Variants in AP3D1 observed in about 807,000 individuals in gnomAD.
AP3D1 encodes AP-3 complex subunit delta-1.
In AP3D1, 51 loss-of-function variants were observed where a neutral mutation model predicts 147.6. The ratio of observed to expected loss-of-function variants is 0.35; its 90% confidence interval spans 0.28 to 0.44. The LOEUF (loss-of-function observed/expected upper bound fraction) is 0.44, where lower values mean the gene tolerates loss of function less well. Ranked by LOEUF, AP3D1 falls within the 20% of genes least tolerant of loss-of-function variation. The pLI is 1.00. For synonymous variants in AP3D1, 760 were observed against 663.0 expected (o/e 1.15, Z -2.25); for missense variants, 1,421 against 1,624.2 (o/e 0.87, Z 2.15).
At chr19:2,103,780 C>T (rs182339827) in intron 31 of AP3D1, among the ~76,000 whole-genome samples, 15 of 152,306 alleles carry the variant, frequency 9.8e-5, no homozygotes, top group African/African-American at 2.2e-4. Flanking sequence ...CCACGGAAAA[C>T]GACCAGGAGA....
chr19:2,155,378 AAAC>A (rs2019636758), upstream of AP3D1, among the ~76,000 whole-genome samples: 1 of 150,088 alleles, frequency 6.7e-6, no homozygotes, highest in Admixed American at 6.7e-5. Context: ...AAACCAAAAA[AAAC>A]AAAAAATTAG....
intron 1 of AP3D1, among the ~76,000 whole-genome samples, chr19:2,147,051 C>T (rs1376566636): frequency 2.8e-5 from 4 of 143,484 alleles, no homozygotes; most frequent in Non-Finnish European, 6.3e-5. Context: ...GGAGAGAAAA[C>T]CCGCTCAGTT....
upstream of AP3D1, among the ~76,000 whole-genome samples, chr19:2,152,947 A>G (rs2019587413): frequency 6.6e-6 from 1 of 151,792 alleles, no homozygotes; most frequent in African/African-American, 2.4e-5. Context: ...AATGACTTAT[A>G]TCCTGGTGGG....
At chr19:2,148,158 A>AG (rs1386095480) in intron 1 of AP3D1, among the ~76,000 whole-genome samples, 10 of 151,908 alleles carry the variant, frequency 6.6e-5, no homozygotes, top group African/African-American at 2.4e-4. Context: ...AAAAAAAAAA[A>AG]AAAAAGAAAA....
chr19:2,149,780 C>T (rs570875404), intron 1 of AP3D1, among the ~76,000 whole-genome samples: 101 of 152,318 alleles, frequency 6.6e-4, no homozygotes, highest in African/African-American at 2.1e-3. Flanking sequence ...CAGTGACATG[C>T]GCTGAAGGGA....
chr19:2,130,603 A>G, intron 5 of AP3D1, 66 bp from the exon 6 acceptor site: 3 of 1,596,704 alleles, frequency 1.9e-6, no homozygotes, highest in South Asian at 1.1e-5. Context: ...CGCCCCTCCC[A>G]GCCGCCTCCT....
chr19:2,154,731 G>A (rs2019631554), upstream of AP3D1, among the ~76,000 whole-genome samples: 1 of 152,240 alleles, frequency 6.6e-6, no homozygotes, highest in Non-Finnish European at 1.5e-5. Context: ...ATACCCTGGA[G>A]GAAGAAAAGC....
At chr19:2,158,501 T>C (rs2019667622) in intron 1 of AP3D1, among the ~76,000 whole-genome samples, 1 of 151,410 alleles carries the variant, frequency 6.6e-6, no homozygotes, top group Non-Finnish European at 1.5e-5. Flanking sequence ...AGATAATGGG[T>C]CTCACTATAT....
chr19:2,157,265 ACC>A, intron 1 of AP3D1, among the ~76,000 whole-genome samples: 2 of 151,080 alleles, frequency 1.3e-5, no homozygotes, highest in East Asian at 3.9e-4. Flanking sequence ...AAACGGTGAA[ACC>A]CCGTCTCTAC....
Position 2,111,266 on chromosome 19 carries a change from G to A in AP3D1, c.2985+19C>T. The A allele has an allele frequency of 6.2e-7, 1 of 1,613,830 alleles. No homozygotes were observed. The highest frequency in any genetic ancestry group is 8.5e-7 in the Non-Finnish European group (1 of 1,179,996). ...GTGTGGGCTGGCCCACCCTGCCCCTGGGAGCGGCTGCCACTCACCATTTTA... is the reference window on the plus strand; with the variant it reads ...GTGTGGGCTGGCCCACCCTGCCCCTAGGAGCGGCTGCCACTCACCATTTTA... On this transcript the variant is annotated intron_variant, in intron 26 of 31. Transcript: ENST00000643116.
In AP3D1 at chr19:2,115,328, T is replaced by TTCCTCTTTTTCC; in HGVS notation, c.2228_2239dup (p.Arg743_Arg746dup). On this transcript the variant is annotated inframe_insertion, in exon 20 of 32. Coordinates refer to ENST00000643116, the MANE Select transcript of AP3D1 (RefSeq NM_001261826.3). ...GCGCTTGCCCTTCTTCTCCTTCTCC[T>TTCCTCTTTTTCC]TCCTCTTTTTCCTCCTCTTGTCCTT... 6.2e-7 allele frequency: 1 copy of TTCCTCTTTTTCC among 1,610,736 alleles called. No homozygotes were observed. The highest frequency in any genetic ancestry group is 8.5e-7 in the Non-Finnish European group (1 of 1,179,888).
rs529016370 is a variant in AP3D1 at position 2,114,697 on chromosome 19, G to A, written c.2423+51C>T. ...CCCGGAAGGGAGGACGAGAGGAAGG[G>A]AAGCAACCACATGTGGCCTCCACCC... On this transcript the variant is annotated intron_variant, in intron 21 of 31. Coordinates refer to ENST00000643116, the MANE Select transcript of AP3D1 (RefSeq NM_001261826.3). The A allele has an allele frequency of 5.8e-6, 9 of 1,563,844 alleles. No individual in the cohort carries two copies. The African/African-American group carries it at 9.5e-5, about 16-fold the overall frequency.
chr19:2,105,169 A>G (rs1032386918), intron 31 of AP3D1, among the ~76,000 whole-genome samples: 2 of 152,222 alleles, frequency 1.3e-5, no homozygotes, highest in Non-Finnish European at 2.9e-5. Flanking sequence ...AACAGCCATG[A>G]ACCCATCTGA....
At chr19:2,151,214 C>A (rs1253545914) in intron 1 of AP3D1, 25 bp downstream of exon 1, 1 of 1,601,046 alleles carries the variant, frequency 6.2e-7, no homozygotes, top group African/African-American at 1.3e-5. Context: ...CCAGGCCGAG[C>A]AGCCCCTTGG....
intron 1 of AP3D1, among the ~76,000 whole-genome samples, chr19:2,157,556 T>G (rs563514330): frequency 7.3e-6 from 1 of 137,000 alleles, no homozygotes; most frequent in Non-Finnish European, 1.6e-5. Flanking sequence ...CATCCATCCA[T>G]CTACCCATCT....
chr19:2,164,509 G>C, upstream of AP3D1: 1 of 309,282 alleles, frequency 3.2e-6, no homozygotes, highest in Non-Finnish European at 5.9e-6. Context: ...GCCCTACCGC[G>C]GTGCCGTTGC....
At chr19:2,116,366 G>A (rs2018449081) in intron 17 of AP3D1, 88 bp from the exon 18 acceptor site, 17 of 1,424,032 alleles carry the variant, frequency 1.2e-5, no homozygotes, top group African/African-American at 1.4e-5. Context: ...AGCTGGGGAA[G>A]GCTGGATCTC....
Position 2,110,218 on chromosome 19 carries a change from G to C in AP3D1, c.3182C>G (p.Ser1061Cys). The stretch of plus-strand genomic sequence containing the variant: ...GGTGAACACATACTGGGCTTCGTTG[G>C]AGACGCCTGGCGGGGGCGAGAGGGA... ...PVPFQLPPGV[S>C]NEAQYVFTIQ... Residue 1061 changes from serine (S) to cysteine (C), a missense_variant, in exon 28 of 32, where the codon TCC becomes TGC. By Grantham distance (112) the Ser-to-Cys change is moderately radical. Coordinates refer to ENST00000643116, the MANE Select transcript of AP3D1 (RefSeq NM_001261826.3). The C allele has an allele frequency of 6.2e-7, 1 of 1,611,824 alleles. No homozygotes were observed. Among genetic ancestry groups the C allele is most frequent in the South Asian group, 1.1e-5 (1 of 90,992 alleles).
rs990158736 is a variant in AP3D1, at chr19:2,121,208, T to G, written c.1205A>C (p.Asp402Ala). 1.2e-6 allele frequency: 2 copies of G among 1,614,198 alleles called. No individual in the cohort carries two copies. ...CTGGTAGTTGGACTGGCTGCAGATG[T>G]CAATGATCTTGGTGAGCAGCTCGTC... ...YRDELLTKII[D>A]ICSQSNYQYI... Residue 402 changes from aspartate (D) to alanine (A), a missense_variant, in exon 13 of 32, where the codon GAC (aspartate) becomes GCC (alanine). Transcript: ENST00000643116.
Sources: allele counts gnomAD v4.1 joint callset (sites outside exome capture counted in the v4.1 genomes callset), GRCh38; gene constraint gnomAD v4.1.1; transcripts MANE v1.5; gene names NCBI Gene and HGNC (gene_info 2026-07-23, HGNC 2026-07-21).